RSPH6A: variants seen among roughly 807,000 people sequenced by gnomAD.
RSPH6A encodes the protein radial spoke head 6 homolog A, also known as radial spoke head protein 6 homolog A.
A neutral mutation model predicts 66.1 loss-of-function variants in RSPH6A; 49 were observed. The ratio of observed to expected loss-of-function variants is 0.74; its 90% CI spans 0.59 to 0.94. The LOEUF (loss-of-function observed/expected upper bound fraction) is 0.94. RSPH6A is among the 40% of genes least tolerant of loss of function. The pLI is 0.00. For missense variants in RSPH6A, 977 were observed against 948.3 expected, an observed-to-expected ratio of 1.03 and a Z score of -0.40; for synonymous variants, 419 against 402.4, an observed-to-expected ratio of 1.04 and a Z score of -0.49.
Position 45,804,118 on chromosome 19 carries a change from A to G in RSPH6A, c.1653+134T>C. The G allele has an allele frequency of 5.7e-6, 4 of 699,762 alleles. No individual in the cohort carries two copies. The highest frequency in any genetic ancestry group is 9.3e-6 in the Non-Finnish European group (4 of 432,202). 43.3% of individuals were successfully genotyped at this position (699,762 alleles called of 1,614,324 possible). A position where few individuals can be genotyped will look rare whatever the true frequency, so the allele number is the denominator to read the frequency against. On this transcript the variant is annotated intron_variant, in intron 3 of 5. Coordinates refer to ENST00000221538, the MANE Select transcript of RSPH6A (RefSeq NM_030785.4). This position sits in a 1 kb window ranked among gnomAD's most constrained non-coding sequence, Gnocchi z 5.8. The stretch of plus-strand genomic sequence containing the variant: ...TTATCCGCTAATATCTGTTGAACCA[A>G]TGAATGGATGGATGAATGAACGAAT...
intron 5 of RSPH6A, among the ~76,000 whole-genome samples, chr19:45,796,971 A>AG (rs1396055603): frequency 1.3e-5 from 2 of 152,138 alleles, no homozygotes; most frequent in Non-Finnish European, 2.9e-5. Flanking sequence ...GGGGAGGCTG[A>AG]GGGGGGAGGA....
In RSPH6A at chr19:45,812,922, C is replaced by T. The variant is rs1222104601; in HGVS notation, c.650+1605G>A. Among the ~76,000 whole-genome samples, 3 of 152,018 alleles carry T rather than the reference C, an allele frequency of 2.0e-5. 1 individual carries two copies. Among genetic ancestry groups the T allele is most frequent in the Non-Finnish European group, 4.4e-5 (3 of 67,984 alleles). On this transcript the variant is annotated intron_variant, in intron 1 of 5. Coordinates refer to ENST00000221538, the MANE Select transcript of RSPH6A (RefSeq NM_030785.4). The stretch of plus-strand genomic sequence containing the variant: ...TGTTGGCCAGGCTGGTCTTGAACTC[C>T]TGACTTCGAGTTATCTGTCTGCCTC...
intron 2 of RSPH6A, among the ~76,000 whole-genome samples, chr19:45,810,154 ATTTATTTATTTATT>A (rs906534911): frequency 9.6e-5 from 13 of 135,552 alleles, no homozygotes; most frequent in Admixed American, 2.1e-4. Flanking sequence ...AATTATTTTT[ATTTATTTATTTATT>A]TTTATTTATT....
At position 45,804,271 on chromosome 19, in the gene RSPH6A, G is replaced by T. The variant is rs746693894; in HGVS notation, c.1634C>A (p.Thr545Lys). The T allele has an allele frequency of 2.9e-5, 46 of 1,611,914 alleles. No homozygotes were observed. The highest frequency in any genetic ancestry group is 1.6e-4 in the Middle Eastern group (1 of 6,068). ...GCTCACCTGCGGCAGGATGTGCTGT[G>T]TGTGATGCACCCAGTTGGCCATGGA... ...VDSMANWVHHTQHILPQGRCT... is the reference protein window; with the variant it reads ...VDSMANWVHHKQHILPQGRCT... Residue 545 changes from threonine to lysine, a missense_variant, in exon 3 of 6, where the codon ACA becomes AAA. Thr to Lys is a moderately conservative substitution (Grantham distance 78). Coordinates refer to ENST00000221538, the MANE Select transcript of RSPH6A (RefSeq NM_030785.4). This position sits in a 1 kb window ranked among gnomAD's most constrained non-coding sequence, Gnocchi z 5.8.
chr19:45,803,038 C>T (rs1970493122), intron 3 of RSPH6A, among the ~76,000 whole-genome samples: 1 of 150,970 alleles, frequency 6.6e-6, no homozygotes, highest in Admixed American at 6.6e-5. Context: ...GAAACCCCAT[C>T]TCTACTAAAA....
In RSPH6A at chr19:45,815,067, G is replaced by A. The variant is rs1301895263; in HGVS notation, c.110C>T (p.Ala37Val). Residue 37 changes from alanine to valine, a missense_variant, in exon 1 of 6, where the codon GCA becomes GTA. Physicochemically the swap from Ala to Val is moderately conservative, Grantham distance 64 (BLOSUM62 0). Coordinates refer to ENST00000221538, the MANE Select transcript of RSPH6A (RefSeq NM_030785.4). Reference sequence around the variant, plus strand: ...CTGCTGCCTCTCCTCGGGGTCCGCTGCCAGGGCCTGAGCTTGGTCCCGACT... The same window carrying A: ...CTGCTGCCTCTCCTCGGGGTCCGCTACCAGGGCCTGAGCTTGGTCCCGACT... ...RHSRDQAQALAADPEERQQIP... is the reference protein window; with the variant it reads ...RHSRDQAQALVADPEERQQIP... 3 of 1,613,462 alleles carry A rather than the reference G, an allele frequency of 1.9e-6. No individual in the cohort carries two copies. The highest frequency in any genetic ancestry group is 2.5e-6 in the Non-Finnish European group (3 of 1,180,038).
In RSPH6A at chr19:45,795,925, T is replaced by G. The variant is rs2146278865; in HGVS notation, c.2098A>C (p.Thr700Pro). ...KAAQEQALGATEEEEEGEEEE... is the reference protein window; with the variant it reads ...KAAQEQALGAPEEEEEGEEEE... ...TCCTCGCCCTCCTCCTCCTCCTCTG[T>G]GGCTCCCAGGGCTTGTTCCTGGGCT... The change falls in exon 6 of 6, where the codon ACA becomes CCA. Residue 700 changes from threonine (T) to proline (P), a missense_variant. Thr to Pro is a conservative substitution (Grantham distance 38). Coordinates refer to ENST00000221538, the MANE Select transcript of RSPH6A (RefSeq NM_030785.4). 2.0e-6 allele frequency: 3 copies of G among 1,503,696 alleles called. No individual in the cohort carries two copies. The East Asian group carries it at 9.9e-5, about 49-fold the overall frequency. 93.1% of individuals were successfully genotyped at this position (1,503,696 alleles called of 1,614,324 possible).
chr19:45,814,317 C>T (rs758450912), intron 1 of RSPH6A, among the ~76,000 whole-genome samples: 8 of 152,138 alleles, frequency 5.3e-5, no homozygotes, highest in Non-Finnish European at 1.2e-4. Flanking sequence ...TGCTCATCTC[C>T]GGTGAGAATT....
intron 2 of RSPH6A, among the ~76,000 whole-genome samples, chr19:45,808,855 C>G (rs543814578): frequency 6.7e-6 from 1 of 149,940 alleles, no homozygotes; most frequent in Non-Finnish European, 1.5e-5. Context: ...TTAGTAGAGA[C>G]GGGGTTTCAC....
At chr19:45,803,902 A>G (rs1970504849) in intron 3 of RSPH6A, among the ~76,000 whole-genome samples, 1 of 151,080 alleles carries the variant, frequency 6.6e-6, no homozygotes. Context: ...CTGAGGCGGG[A>G]CAATCGCTTG....
At chr19:45,798,568 G>T (rs1404764473) in intron 5 of RSPH6A, among the ~76,000 whole-genome samples, 1 of 144,648 alleles carries the variant, frequency 6.9e-6, no homozygotes, top group African/African-American at 2.6e-5. Context: ...GCCAGGCGCG[G>T]TGGCTCACGC....
chr19:45,804,917 T>A lies in RSPH6A; in HGVS notation c.988A>T (p.Met330Leu). The A allele has an allele frequency of 6.2e-7, 1 of 1,614,232 alleles. No homozygotes were observed. Among genetic ancestry groups the A allele is most frequent in the Non-Finnish European group, 8.5e-7 (1 of 1,180,048 alleles). Residue 330 changes from methionine to leucine, a missense_variant, in exon 3 of 6, where the codon ATG becomes TTG. Coordinates refer to ENST00000221538, the MANE Select transcript of RSPH6A (RefSeq NM_030785.4). This position sits in a 1 kb window ranked among gnomAD's most constrained non-coding sequence, Gnocchi z 5.8. Reference sequence around the variant, plus strand: ...GGCTGCTGCTCCACCAGCTGTTTCATGGCCAGGAAAATGCGGAAGCTCTCG... The same window carrying A: ...GGCTGCTGCTCCACCAGCTGTTTCAAGGCCAGGAAAATGCGGAAGCTCTCG... ...SDESFRIFLA[M>L]KQLVEQQPIH...
intron 5 of RSPH6A, 117 bp from the exon 6 acceptor site, chr19:45,796,223 G>A (rs538110686): frequency 1.3e-5 from 9 of 712,814 alleles, no homozygotes; most frequent in East Asian, 5.9e-5. Context: ...GTGTGATCTC[G>A]ACTTACTGCA....
chr19:45,815,276 A>AG lies in RSPH6A; in HGVS notation c.-101dup. On this transcript the variant is annotated 5_prime_UTR_variant, in exon 1 of 6. Coordinates refer to ENST00000221538, the MANE Select transcript of RSPH6A (RefSeq NM_030785.4). ...ACCGCCGGTTTCTGAGCACCGAGAGAGGGGGCCGTTACCCGTGGAGGGCGC... is the reference window on the plus strand; with the variant it reads ...ACCGCCGGTTTCTGAGCACCGAGAGAGGGGGGCCGTTACCCGTGGAGGGCGC... 2 of 1,328,536 alleles carry AG rather than the reference A, an allele frequency of 1.5e-6. No homozygotes were observed. Among genetic ancestry groups the AG allele is most frequent in the South Asian group, 1.5e-5 (1 of 66,526 alleles). 82.3% of individuals were successfully genotyped at this position (1,328,536 alleles called of 1,614,324 possible). A position where few individuals can be genotyped will look rare whatever the true frequency, so the allele number is the denominator to read the frequency against.
chr19:45,810,517 C>G, intron 2 of RSPH6A, 86 bp downstream of exon 2: 1 of 1,280,496 alleles, frequency 7.8e-7, no homozygotes, highest in South Asian at 1.3e-5. Context: ...TGTCTTTCGC[C>G]TCCAGGCCTT....
At chr19:45,798,874 C>T (rs1970437252) in intron 5 of RSPH6A, among the ~76,000 whole-genome samples, 1 of 148,158 alleles carries the variant, frequency 6.7e-6, no homozygotes. Context: ...AAAACAAAAA[C>T]AATGGAACAA....
intron 5 of RSPH6A, among the ~76,000 whole-genome samples, chr19:45,798,016 G>A (rs1358911813): frequency 6.6e-6 from 1 of 152,148 alleles, no homozygotes; most frequent in Non-Finnish European, 1.5e-5. Flanking sequence ...ATAGATGGGA[G>A]GAAAGGGAGG....
chr19:45,795,915 T>TCCTCCTCGCCCTCCTCCA lies in RSPH6A; in HGVS notation c.2107_2108insTGGAGGAGGGCGAGGAGG (p.Glu702_Glu703insValGluGluGlyGluGlu). ...CTCCTCCTCCTCCTCGCCCTCCTCC[T>TCCTCCTCGCCCTCCTCCA]CCTCCTCTGTGGCTCCCAGGGCTTG... On this transcript the variant is annotated inframe_insertion, in exon 6 of 6. Coordinates refer to ENST00000221538, the MANE Select transcript of RSPH6A (RefSeq NM_030785.4). The TCCTCCTCGCCCTCCTCCA allele has an allele frequency of 6.2e-7, 1 of 1,613,282 alleles. No individual in the cohort carries two copies. Among genetic ancestry groups the TCCTCCTCGCCCTCCTCCA allele is most frequent in the Non-Finnish European group, 8.5e-7 (1 of 1,179,902 alleles).
rs759736401 is a variant in RSPH6A, at chr19:45,804,233, C to T, written c.1653+19G>A. On this transcript the variant is annotated intron_variant, in intron 3 of 5. Coordinates refer to ENST00000221538, the MANE Select transcript of RSPH6A (RefSeq NM_030785.4). This position sits in a 1 kb window ranked among gnomAD's most constrained non-coding sequence, Gnocchi z 5.8. ...CCCTGCTCCTGCCGTTTGTGAGAGG[C>T]GGGAGTCCCGGCGCTCACCTGCGGC... 9.5e-6 allele frequency: 15 copies of T among 1,580,088 alleles called. No homozygotes were observed. Among genetic ancestry groups the T allele is most frequent in the South Asian group, 9.1e-5 (8 of 87,626 alleles).
Sources: allele counts gnomAD v4.1 joint callset (sites outside exome capture counted in the v4.1 genomes callset), GRCh38; gene constraint gnomAD v4.1.1; non-coding constraint Gnocchi (gnomAD v3.1); transcripts MANE v1.5; gene names NCBI Gene and HGNC (gene_info 2026-07-23, HGNC 2026-07-21).